Variants in CBLC observed in about 807,000 individuals in gnomAD.
The protein encoded by CBLC is E3 ubiquitin-protein ligase CBL-C.
A neutral mutation model predicts 58.6 loss-of-function variants in CBLC; 46 were observed. That is an observed-to-expected ratio of 0.79 (90% CI 0.62 to 1.00). The LOEUF (loss-of-function observed/expected upper bound fraction) is 1.00. Among genes scored for constraint, CBLC ranks in the 50% least tolerant of loss-of-function variants. The probability of loss-of-function intolerance (pLI) is 0.00; values close to 1 mark genes in which losing one functional copy is unlikely to be tolerated. For missense variants in CBLC, 655 were observed against 625.8 expected (o/e 1.05, Z -0.50); for synonymous variants, 271 against 264.2 (o/e 1.03, Z -0.25).
chr19:44,794,092 A>G, intron 8 of CBLC, 112 bp from the exon 9 acceptor site: 3 of 1,490,420 alleles, frequency 2.0e-6, no homozygotes, highest in Non-Finnish European at 1.8e-6. Flanking sequence ...GGTCTCTGTT[A>G]TATCTTGAGT....
chr19:44,787,255 G>A (rs140720084), intron 5 of CBLC, among the ~76,000 whole-genome samples: 68 of 151,694 alleles, frequency 4.5e-4, no homozygotes, highest in African/African-American at 1.4e-3. Context: ...TTAGCTGGGC[G>A]CAGTGGCGGG....
Position 44,782,423 on chromosome 19 carries a change from C to A in CBLC, c.711C>A (p.Gly237=). ...AGCTCCTGGCAGTCAACCACCCAGG[C>A]TACATGGCCTTCCTCACCTATGATG... ...NWQLLAVNHP[G]YMAFLTYDEV... is the part of the protein sequence containing the mutation. Residue 237 remains glycine (G), a synonymous_variant, in exon 4 of 11, where the codon GGC becomes GGA. Transcript: ENST00000647358. 6.2e-7 allele frequency: 1 copy of A among 1,613,870 alleles called. No homozygotes were observed. The highest frequency in any genetic ancestry group is 2.2e-5 in the East Asian group (1 of 44,870).
chr19:44,794,165 A>T, intron 8 of CBLC, 39 bp from the exon 9 acceptor site: 1 of 1,580,812 alleles, frequency 6.3e-7, no homozygotes, highest in Non-Finnish European at 8.6e-7. Flanking sequence ...AGAAAATGGC[A>T]GCTCACAAGC....
intron 4 of CBLC, 45 bp downstream of exon 4, chr19:44,782,536 G>T: frequency 6.5e-7 from 1 of 1,539,486 alleles, no homozygotes; most frequent in Non-Finnish European, 9.0e-7. Flanking sequence ...AGGGCTCAGG[G>T]ATCTGGGCTC....
chr19:44,779,948 G>T (rs1165782330), intron 1 of CBLC, among the ~76,000 whole-genome samples: 4 of 152,058 alleles, frequency 2.6e-5, no homozygotes, highest in African/African-American at 4.8e-5. Flanking sequence ...AATTATAAGA[G>T]AGTGATCAAA....
At chr19:44,783,535 G>T (rs530138097) in intron 4 of CBLC, among the ~76,000 whole-genome samples, 2 of 149,774 alleles carry the variant, frequency 1.3e-5, no homozygotes, top group East Asian at 2.0e-4. Flanking sequence ...ACAAAAATTA[G>T]CCTGGCATGG....
chr19:44,788,871 G>A (rs1188382866), intron 5 of CBLC, among the ~76,000 whole-genome samples: 1 of 152,122 alleles, frequency 6.6e-6, no homozygotes, highest in African/African-American at 2.4e-5. Context: ...TACAGAAGGG[G>A]AAACTGAGGC....
At chr19:44,791,907 A>G (rs1253855719) in intron 6 of CBLC, among the ~76,000 whole-genome samples, 1 of 151,888 alleles carries the variant, frequency 6.6e-6, no homozygotes, top group Non-Finnish European at 1.5e-5. Context: ...GGGCTCAAGC[A>G]TTCCACCTGC....
At chr19:44,800,320 G>T in intron 9 of CBLC, 61 bp from the exon 10 acceptor site, 1 of 1,174,790 alleles carries the variant, frequency 8.5e-7, no homozygotes, top group Non-Finnish European at 1.3e-6. Context: ...CAGGGAAGAG[G>T]GGCAGAGGGA....
At chr19:44,782,772 G>A (rs1450343169) in intron 4 of CBLC, among the ~76,000 whole-genome samples, 1 of 152,176 alleles carries the variant, frequency 6.6e-6, no homozygotes. Flanking sequence ...GTTTCTGGTA[G>A]GTCAGAGTCA....
upstream of CBLC, chr19:44,777,877 C>T (rs528411573): frequency 1.4e-6 from 2 of 1,427,738 alleles, no homozygotes; most frequent in Admixed American, 2.8e-5. Flanking sequence ...TCACTCTGGG[C>T]GAGGCCGCCC....
At chr19:44,783,580 T>G (rs557659132) in intron 4 of CBLC, among the ~76,000 whole-genome samples, 2 of 149,488 alleles carry the variant, frequency 1.3e-5, no homozygotes, top group Non-Finnish European at 3.0e-5. Flanking sequence ...ACTTGGGAGG[T>G]TGAGGCACAA....
In CBLC at chr19:44,781,009, A is replaced by C. The variant is rs35106910; in HGVS notation, c.458A>C (p.Lys153Thr). The change falls in exon 2 of 11, where the codon AAG becomes ACG. Residue 153 changes from lysine (K) to threonine (T), a missense_variant. By Grantham distance (78) the Lys-to-Thr change is moderately conservative (BLOSUM62 -1). Transcript: ENST00000647358. Reference protein sequence around the residue: ...KYCGHMYQLTKAPAHTFWRES... With the variant: ...KYCGHMYQLTTAPAHTFWRES... ...TGTGGACACATGTACCAGCTCACCA[A>C]GGCCCCCGCCCACACCTTCTGGAGG... 81,837 of 1,613,362 alleles carry C rather than the reference A, an allele frequency of 0.051. 2,868 individuals carry two copies. The highest frequency in any genetic ancestry group is 0.13 in the African/African-American group (9,822 of 75,026).
chr19:44,799,909 T>C (rs549585718), intron 9 of CBLC, among the ~76,000 whole-genome samples: 1 of 151,854 alleles, frequency 6.6e-6, no homozygotes, highest in Non-Finnish European at 1.5e-5. Flanking sequence ...AGAAAGGGCC[T>C]GACCCACTGG....
chr19:44,797,440 A>T lies in CBLC; in HGVS notation c.1363-2941A>T, dbSNP rs551907636. The stretch of plus-strand genomic sequence containing the variant: ...TAATTTTTGTATTTTTAGTAGAGAC[A>T]GGGTTTCATCATGTTGGCCAGGCTG... On this transcript the variant is annotated intron_variant, in intron 9 of 10. Transcript: ENST00000647358. Among the ~76,000 whole-genome samples, 18 of 151,902 alleles carry T rather than the reference A, an allele frequency of 1.2e-4. No individual in the cohort carries two copies. The East Asian group carries it at 3.5e-3, about 30-fold the overall frequency.
chr19:44,786,395 T>C (rs1489616657), intron 5 of CBLC, among the ~76,000 whole-genome samples: 1 of 151,016 alleles, frequency 6.6e-6, no homozygotes, highest in East Asian at 2.0e-4. Flanking sequence ...ATCGAGACCA[T>C]CCTGCCTAAC....
In CBLC at chr19:44,793,578, G is replaced by A. The variant is rs201433561; in HGVS notation, c.1242G>A (p.Gly414=). 6.2e-7 allele frequency: 1 copy of A among 1,607,288 alleles called. No individual in the cohort carries two copies. Among genetic ancestry groups the A allele is most frequent in the South Asian group, 1.1e-5 (1 of 89,580 alleles). ...GTCAGGCTACTGCTGAGGACTCAGG[G>A]AACAGCAGTGACCAGGAAGGCAGGG... ...FHGQATAEDS[G]NSSDQEGREL... Residue 414 remains glycine (G), a synonymous_variant, in exon 8 of 11, where the codon GGG becomes GGA. Transcript: ENST00000647358.
intron 4 of CBLC, among the ~76,000 whole-genome samples, chr19:44,783,234 CA>C (rs1200075156): frequency 6.6e-6 from 1 of 151,724 alleles, no homozygotes; most frequent in African/African-American, 2.4e-5. Context: ...AGGCCTGGCG[CA>C]GTGGCTCACG....
chr19:44,778,290 C>T lies in CBLC; in HGVS notation c.353+6C>T. The T allele has an allele frequency of 7.0e-7, 1 of 1,429,142 alleles. No homozygotes were observed. The highest frequency in any genetic ancestry group is 9.1e-7 in the Non-Finnish European group (1 of 1,094,854). The allele number at this position is 1,429,142 out of a possible 1,614,324, so 88.5% of individuals were successfully genotyped here. A position where few individuals can be genotyped will look rare whatever the true frequency, so the allele number is the denominator to read the frequency against. ...CGGGCGGGCTCCAGACTCAGGTGAGCCTTCGCCCCAGAACAAAGTCCTCTG... is the reference window on the plus strand; with the variant it reads ...CGGGCGGGCTCCAGACTCAGGTGAGTCTTCGCCCCAGAACAAAGTCCTCTG... On this transcript the variant is annotated splice_donor_region_variant and intron_variant, in intron 1 of 10. Coordinates refer to ENST00000647358, the MANE Select transcript of CBLC (RefSeq NM_012116.4).
Sources: allele counts gnomAD v4.1 joint callset (sites outside exome capture counted in the v4.1 genomes callset), GRCh38; gene constraint gnomAD v4.1.1; transcripts MANE v1.5; gene names NCBI Gene and HGNC (gene_info 2026-07-23, HGNC 2026-07-21).